Variants in SERPINA5 observed in about 807,000 individuals in gnomAD.
SERPINA5 encodes the protein plasma serine protease inhibitor.
A neutral mutation model predicts 25.3 loss-of-function variants in SERPINA5; 25 were observed. The ratio of observed to expected loss-of-function variants is 0.99; its 90% CI spans 0.72 to 1.38. The LOEUF is 1.38. Ranked by LOEUF, SERPINA5 falls within the 40% of genes most tolerant of loss-of-function variation. The pLI, the probability that SERPINA5 is intolerant of heterozygous loss-of-function variation, is 0.00. For missense variants in SERPINA5, 599 were observed against 509.5 expected (o/e 1.18, Z -1.69); for synonymous variants, 234 against 206.2 (o/e 1.14, Z -1.16).
At position 94,587,532 on chromosome 14, in the gene SERPINA5, C is replaced by T; in HGVS notation, c.170C>T (p.Ala57Val). Residue 57 changes from alanine to valine, a missense_variant, in exon 3 of 6, where the codon GCT (alanine) becomes GTT (valine). Physicochemically the swap from Ala to Val is moderately conservative, Grantham distance 64 (BLOSUM62 0). Transcript: ENST00000329597. Reference sequence around the variant, plus strand: ...ACCTTTGACCTCTACAGGGCCTTGGCTTCCGCTGCCCCCAGCCAGAGCATC... The same window carrying T: ...ACCTTTGACCTCTACAGGGCCTTGGTTTCCGCTGCCCCCAGCCAGAGCATC... ...DFTFDLYRAL[A>V]SAAPSQSIFF... is the part of the protein sequence containing the mutation. The T allele has an allele frequency of 6.2e-7, 1 of 1,613,778 alleles. No individual in the cohort carries two copies. Among genetic ancestry groups the T allele is most frequent in the South Asian group, 1.1e-5 (1 of 91,052 alleles).
chr14:94,587,947 G>A lies in SERPINA5; in HGVS notation c.585G>A (p.Ala195=), dbSNP rs371793584. The stretch of plus-strand genomic sequence containing the variant: ...TGCTTAAGAACCTCGATAGCAATGC[G>A]GTCGTGATCATGGTGAATTACATCT... ...VDLLKNLDSN[A]VVIMVNYIFF... is the part of the protein sequence containing the mutation. The change falls in exon 3 of 6, where the codon GCG becomes GCA. Residue 195 remains alanine, a synonymous_variant. Transcript: ENST00000329597. The A allele has an allele frequency of 8.1e-6, 13 of 1,614,044 alleles. No individual in the cohort carries two copies. In the Admixed American group the frequency reaches 1.0e-4, roughly 12 times the overall value.
In SERPINA5 at chr14:94,592,521, C is replaced by G. The variant is rs1292298811; in HGVS notation, c.*282C>G. ...TGGATGACTTGCTCAAGTTCACCAG[C>G]ATGGTAGTGGCAAAGAGAGGTCCAG... On this transcript the variant is annotated 3_prime_UTR_variant, in exon 6 of 6. Transcript: ENST00000329597. 2 of 346,728 alleles carry G rather than the reference C, an allele frequency of 5.8e-6. No individual in the cohort carries two copies. The highest frequency in any genetic ancestry group is 1.1e-5 in the Non-Finnish European group (2 of 189,654). The allele number at this position is 346,728 out of a possible 1,614,324, so 21.5% of individuals were successfully genotyped here. A position where few individuals can be genotyped will look rare whatever the true frequency, so the allele number is the denominator to read the frequency against.
intron 5 of SERPINA5, 81 bp from the exon 6 acceptor site, chr14:94,591,976 C>A: frequency 6.8e-7 from 1 of 1,460,728 alleles, no homozygotes; most frequent in Non-Finnish European, 9.3e-7. Context: ...GGTTGATGCC[C>A]ATAGGCAGAA....
Position 94,585,239 on chromosome 14 carries a change from G to C in SERPINA5, c.-17-2107G>C, listed in dbSNP as rs544742819. 3.3e-5 allele frequency among the ~76,000 whole-genome samples: 5 copies of C among 152,288 alleles called. No homozygotes were observed. The South Asian group carries it at 1.0e-3, about 32-fold the overall frequency. On this transcript the variant is annotated intron_variant, in intron 2 of 5. Coordinates refer to ENST00000329597, the MANE Select transcript of SERPINA5 (RefSeq NM_000624.6). ...AGCAGCAAGATGTACCTTTTTGGGT[G>C]GTGCAGGGCTGAAGGAGTTGGCACA...
Position 94,587,718 on chromosome 14 carries a change from A to C in SERPINA5, c.356A>C (p.Asn119Thr), listed in dbSNP as rs144727156. 1 of 1,614,178 alleles carries C rather than the reference A, an allele frequency of 6.2e-7. No homozygotes were observed. The highest frequency in any genetic ancestry group is 1.7e-5 in the Admixed American group (1 of 60,024). The change falls in exon 3 of 6, where the codon AAC becomes ACC. Residue 119 changes from asparagine to threonine, a missense_variant. Coordinates refer to ENST00000329597, the MANE Select transcript of SERPINA5 (RefSeq NM_000624.6). The part of the protein sequence containing the change: ...RGFQQLLQEL[N>T]QPRDGFQLSL... ...TTTCAGCAGCTCCTTCAGGAACTCA[A>C]CCAGCCCAGAGATGGCTTCCAGCTG...
chr14:94,587,067 A>G (rs1885112867), intron 2 of SERPINA5: 2 of 378,440 alleles, frequency 5.3e-6, no homozygotes, highest in Non-Finnish European at 9.5e-6. Flanking sequence ...GTGTCCCTTG[A>G]TGTGGATGGG....
chr14:94,583,660 G>T (rs1380679247), intron 2 of SERPINA5, among the ~76,000 whole-genome samples: 6 of 152,212 alleles, frequency 3.9e-5, no homozygotes, highest in African/African-American at 9.7e-5. Context: ...CGGGGATGGT[G>T]GTGGGCCAGC....
intron 2 of SERPINA5, 38 bp from the exon 3 acceptor site, chr14:94,587,308 C>T (rs764989313): frequency 7.8e-6 from 12 of 1,531,714 alleles, no homozygotes; most frequent in Non-Finnish European, 9.6e-6. Context: ...CCTGGACCAG[C>T]TCCACCCCTC....
chr14:94,590,441 G>A, intron 4 of SERPINA5, 130 bp downstream of exon 4: 1 of 1,201,088 alleles, frequency 8.3e-7, no homozygotes, highest in Admixed American at 2.9e-5. Context: ...AGGCCCAGAG[G>A]CATCCTGTGA....
intron 2 of SERPINA5, among the ~76,000 whole-genome samples, chr14:94,583,221 T>C (rs909607354): frequency 6.6e-6 from 1 of 152,212 alleles, no homozygotes; most frequent in Non-Finnish European, 1.5e-5. Flanking sequence ...ATATTTATGA[T>C]TGAAGGAGAT....
chr14:94,591,975 C>A lies in SERPINA5; in HGVS notation c.1039-82C>A, dbSNP rs1195561206. ...TGAACAGATACTTAGAGGTTGATGCCCATAGGCAGAAGCTTTGCCATTTGC... is the reference window on the plus strand; with the variant it reads ...TGAACAGATACTTAGAGGTTGATGCACATAGGCAGAAGCTTTGCCATTTGC... On this transcript the variant is annotated intron_variant, in intron 5 of 5. Coordinates refer to ENST00000329597, the MANE Select transcript of SERPINA5 (RefSeq NM_000624.6). The A allele has an allele frequency of 2.1e-6, 3 of 1,454,734 alleles. No individual in the cohort carries two copies. In the African/African-American group the frequency reaches 4.2e-5, roughly 20 times the overall value. 90.1% of individuals were successfully genotyped at this position (1,454,734 alleles called of 1,614,324 possible).
intron 2 of SERPINA5, among the ~76,000 whole-genome samples, chr14:94,583,682 C>G (rs1400517451): frequency 6.6e-6 from 1 of 152,190 alleles, no homozygotes; most frequent in African/African-American, 2.4e-5. Context: ...GGAAGACTGA[C>G]CAGGGCCTAC....
intron 2 of SERPINA5, 129 bp from the exon 3 acceptor site, chr14:94,587,217 G>T (rs2139926596): frequency 3.6e-6 from 3 of 828,848 alleles, no homozygotes; most frequent in Admixed American, 2.4e-5. Flanking sequence ...AGTCTTGCGG[G>T]TGCCATCCCT....
At chr14:94,585,827 G>T (rs150967167) in intron 2 of SERPINA5, among the ~76,000 whole-genome samples, 2 of 150,638 alleles carry the variant, frequency 1.3e-5, no homozygotes, top group African/African-American at 4.9e-5. Context: ...CTATGGTACA[G>T]TTGAGAATAT....
chr14:94,587,530 G>A lies in SERPINA5; in HGVS notation c.168G>A (p.Leu56=). The A allele has an allele frequency of 6.2e-7, 1 of 1,613,762 alleles. No homozygotes were observed. Among genetic ancestry groups the A allele is most frequent in the East Asian group, 2.2e-5 (1 of 44,864 alleles). The change falls in exon 3 of 6, where the codon TTG becomes TTA. Residue 56 remains leucine (L), a synonymous_variant. Coordinates refer to ENST00000329597, the MANE Select transcript of SERPINA5 (RefSeq NM_000624.6). ...RDFTFDLYRA[L]ASAAPSQSIF... is the part of the protein sequence containing the mutation. ...TTACCTTTGACCTCTACAGGGCCTT[G>A]GCTTCCGCTGCCCCCAGCCAGAGCA...
At chr14:94,588,187 G>T (rs1371115765) in intron 3 of SERPINA5, among the ~76,000 whole-genome samples, 1 of 152,184 alleles carries the variant, frequency 6.6e-6, no homozygotes, top group Admixed American at 6.5e-5. Context: ...AGGCTGAGAT[G>T]CTGTTTCCTC....
chr14:94,590,092 A>G lies in SERPINA5; in HGVS notation c.671A>G (p.Tyr224Cys). Residue 224 changes from tyrosine (Y) to cysteine (C), a missense_variant, in exon 4 of 6, where the codon TAC becomes TGC. Tyr to Cys is a radical substitution (Grantham distance 194). Coordinates refer to ENST00000329597, the MANE Select transcript of SERPINA5 (RefSeq NM_000624.6). ...NHKGTQEQDF[Y>C]VTSETVVRVP... ...AAAGGCACCCAAGAGCAAGACTTCT[A>G]CGTGACCTCGGAGACTGTGGTGCGG... 6.2e-7 allele frequency: 1 copy of G among 1,612,474 alleles called. No homozygotes were observed. Among genetic ancestry groups the G allele is most frequent in the Non-Finnish European group, 8.5e-7 (1 of 1,178,806 alleles).
At position 94,587,372 on chromosome 14, in the gene SERPINA5, T is replaced by C; in HGVS notation, c.10T>C (p.Phe4Leu). Reference sequence around the variant, plus strand: ...ACAAAGAACAGCCACCATGCAGCTCTTCCTCCTCTTGTGCCTGGTGCTTCT... The same window carrying C: ...ACAAAGAACAGCCACCATGCAGCTCCTCCTCCTCTTGTGCCTGGTGCTTCT... MQL[F>L]LLLCLVLLSP... The change falls in exon 3 of 6, where the codon TTC (phenylalanine) becomes CTC (leucine). Residue 4 changes from phenylalanine to leucine, a missense_variant. By Grantham distance (22) the Phe-to-Leu change is conservative. Coordinates refer to ENST00000329597, the MANE Select transcript of SERPINA5 (RefSeq NM_000624.6). The C allele has an allele frequency of 6.2e-7, 1 of 1,607,384 alleles. No homozygotes were observed. Among genetic ancestry groups the C allele is most frequent in the Non-Finnish European group, 8.5e-7 (1 of 1,177,284 alleles).
At position 94,590,133 on chromosome 14, in the gene SERPINA5, C is replaced by G. The variant is rs765037493; in HGVS notation, c.712C>G (p.Arg238Gly). ...TGTGGTGCGGGTACCCATGATGAGC[C>G]GCGAGGATCAGTATCACTACCTCCT... is the stretch of plus-strand genomic sequence containing the variant. ...ETVVRVPMMSREDQYHYLLDR... is the reference protein window; with the variant it reads ...ETVVRVPMMSGEDQYHYLLDR... Residue 238 changes from arginine (R) to glycine (G), a missense_variant, in exon 4 of 6, where the codon CGC becomes GGC. Transcript: ENST00000329597. 1.2e-6 allele frequency: 2 copies of G among 1,614,068 alleles called. No individual in the cohort carries two copies. The highest frequency in any genetic ancestry group is 2.2e-5 in the South Asian group (2 of 91,056).
Sources: allele counts gnomAD v4.1 joint callset (sites outside exome capture counted in the v4.1 genomes callset), GRCh38; gene constraint gnomAD v4.1.1; transcripts MANE v1.5; gene names NCBI Gene and HGNC (gene_info 2026-07-23, HGNC 2026-07-21).